CCT3: variants seen among roughly 807,000 people sequenced by gnomAD.
CCT3 encodes the protein T-complex protein 1 subunit gamma.
In CCT3, 10 loss-of-function variants were observed where a neutral mutation model predicts 65.3. The ratio of observed to expected loss-of-function variants is 0.15; its 90% CI spans 0.09 to 0.26. The LOEUF is 0.26. Among genes scored for constraint, CCT3 ranks in the 10% least tolerant of loss-of-function variants. The pLI is 1.00. For synonymous variants in CCT3, 225 were observed against 242.3 expected (o/e 0.93, Z 0.66); for missense variants, 626 against 708.7 (o/e 0.88, Z 1.33).
At chr1:156,324,048 C>T (rs534460308) in intron 6 of CCT3, among the ~76,000 whole-genome samples, 1 of 151,258 alleles carries the variant, frequency 6.6e-6, no homozygotes, top group Non-Finnish European at 1.5e-5. Context: ...CAGGTGTGAG[C>T]CACCATGCCC....
At chr1:156,334,817 A>G (rs771284431) in intron 3 of CCT3, 42 bp from the exon 4 acceptor site, 48 of 1,613,600 alleles carry the variant, frequency 3.0e-5, no homozygotes, top group Middle Eastern at 3.3e-4. Flanking sequence ...GTCCTAGATA[A>G]CAGGAAGAAA....
intron 5 of CCT3, chr1:156,332,863 T>C (rs569418109): frequency 8.5e-5 from 13 of 152,676 alleles, no homozygotes; most frequent in Admixed American, 7.8e-4. Flanking sequence ...CAACTATATA[T>C]ATTAAATGGG....
At chr1:156,317,668 C>G in intron 8 of CCT3, 121 bp from the exon 9 acceptor site, 2 of 968,708 alleles carry the variant, frequency 2.1e-6, no homozygotes, top group South Asian at 3.4e-5. Flanking sequence ...TATGTTAAAG[C>G]CATGACCTCA....
chr1:156,314,262 G>A (rs1283160966), intron 10 of CCT3, among the ~76,000 whole-genome samples: 1 of 152,020 alleles, frequency 6.6e-6, no homozygotes, highest in East Asian at 1.9e-4. Flanking sequence ...TCCAGATGTT[G>A]TACATGACTT....
chr1:156,319,397 T>C (rs1664455573), intron 7 of CCT3, among the ~76,000 whole-genome samples: 1 of 152,108 alleles, frequency 6.6e-6, no homozygotes, highest in Admixed American at 6.6e-5. Context: ...ATTACAGGCA[T>C]GAGCCACCAC....
intron 5 of CCT3, chr1:156,333,091 C>T (rs575827870): frequency 3.1e-5 from 6 of 192,654 alleles, no homozygotes; most frequent in Middle Eastern, 2.4e-3. Context: ...GTTAAGAGAT[C>T]GAGACCATCT....
chr1:156,319,317 C>T (rs1419120831), intron 7 of CCT3, among the ~76,000 whole-genome samples: 1 of 151,916 alleles, frequency 6.6e-6, no homozygotes, highest in Non-Finnish European at 1.5e-5. Context: ...GGGGTTTCAC[C>T]ATGTTAGCCA....
chr1:156,329,058 T>C (rs920276194), intron 5 of CCT3, among the ~76,000 whole-genome samples: 6 of 152,132 alleles, frequency 3.9e-5, no homozygotes, highest in African/African-American at 1.4e-4. Flanking sequence ...GATTATAATA[T>C]CATATTTTTA....
In CCT3 at chr1:156,318,889, T is replaced by G; in HGVS notation, c.738A>C (p.Glu246Asp). 1 of 1,613,882 alleles carries G rather than the reference T, an allele frequency of 6.2e-7. No individual in the cohort carries two copies. Among genetic ancestry groups the G allele is most frequent in the Admixed American group, 1.7e-5 (1 of 59,950 alleles). ...PRIVLLDSSL[E>D]YKKGESQTDI... ...TTACCTGGCTTTCTCCTTTCTTGTA[T>G]TCCAGAGAAGAATCCAGCAGCACAA... Residue 246 changes from glutamate (E) to aspartate (D), a missense_variant, in exon 8 of 14, where the codon GAA (glutamate) becomes GAC (aspartate). Transcript: ENST00000295688.
chr1:156,310,164 T>C (rs1221344708), intron 13 of CCT3, among the ~76,000 whole-genome samples: 1 of 151,900 alleles, frequency 6.6e-6, no homozygotes, highest in Non-Finnish European at 1.5e-5. Context: ...TGGAATACCT[T>C]AGAGGAATAT....
At chr1:156,324,730 CA>C (rs1464091733) in intron 6 of CCT3, among the ~76,000 whole-genome samples, 1 of 152,122 alleles carries the variant, frequency 6.6e-6, no homozygotes, top group Non-Finnish European at 1.5e-5. Flanking sequence ...CTGGTTCAGG[CA>C]ATTCTCCTGC....
intron 5 of CCT3, among the ~76,000 whole-genome samples, chr1:156,330,714 C>T (rs1665066393): frequency 1.3e-5 from 2 of 150,756 alleles, no homozygotes; most frequent in African/African-American, 2.4e-5. Context: ...TAAGGCCAGG[C>T]GTGGTGAGAC....
chr1:156,330,069 A>G (rs1285447121), intron 5 of CCT3, among the ~76,000 whole-genome samples: 2 of 152,194 alleles, frequency 1.3e-5, no homozygotes, highest in Non-Finnish European at 2.9e-5. Flanking sequence ...TCTTAAATCC[A>G]TCTACATCTA....
rs370238899 is a variant in CCT3, at chr1:156,338,254, A to G, written c.-70T>C. 1.0e-4 allele frequency: 158 copies of G among 1,509,454 alleles called. No homozygotes were observed. Among genetic ancestry groups the G allele is most frequent in the Middle Eastern group, 8.5e-4 (5 of 5,900 alleles). The allele number at this position is 1,509,454 out of a possible 1,614,324, so 93.5% of individuals were successfully genotyped here. A position where few individuals can be genotyped will look rare whatever the true frequency, so the allele number is the denominator to read the frequency against. Reference sequence around the variant, plus strand: ...CAGAACCTTCTGGAGAGAGAGAACCAGACAGAAGCCCAGAAAACGCTGCCT... The same window carrying G: ...CAGAACCTTCTGGAGAGAGAGAACCGGACAGAAGCCCAGAAAACGCTGCCT... On this transcript the variant is annotated 5_prime_UTR_variant, in exon 1 of 14. Transcript: ENST00000295688.
At position 156,320,671 on chromosome 1, in the gene CCT3, T is replaced by C. The variant is rs772848061; in HGVS notation, c.609+168A>G. On this transcript the variant is annotated intron_variant, in intron 7 of 13. Coordinates refer to ENST00000295688, the MANE Select transcript of CCT3 (RefSeq NM_005998.5). ...TTGCTTGAGGCCAGGAGTTTGAGGC[T>C]GCAGTGGGCTGTGACTGTGCCACTA... Among the ~76,000 whole-genome samples, 52 of 152,164 alleles carry C rather than the reference T, an allele frequency of 3.4e-4. 1 individual carries two copies. The highest frequency in any genetic ancestry group is 9.8e-4 in the Admixed American group (15 of 15,272).
intron 12 of CCT3, 49 bp from the exon 13 acceptor site, chr1:156,310,738 TC>T: frequency 1.9e-6 from 3 of 1,603,560 alleles, no homozygotes; most frequent in Non-Finnish European, 2.6e-6. Flanking sequence ...ACAGGAAACA[TC>T]AGGTAAGAAA....
chr1:156,330,237 C>T (rs1665050785), intron 5 of CCT3, among the ~76,000 whole-genome samples: 1 of 152,182 alleles, frequency 6.6e-6, no homozygotes, highest in African/African-American at 2.4e-5. Flanking sequence ...CCTCCTCTTT[C>T]ATCCTTCCAG....
intron 1 of CCT3, among the ~76,000 whole-genome samples, chr1:156,336,230 G>A (rs947156101): frequency 4.6e-5 from 7 of 151,770 alleles, no homozygotes; most frequent in Non-Finnish European, 1.0e-4. Context: ...ATGGGCCTTA[G>A]TGGGATAGCG....
At chr1:156,319,098 A>C in intron 7 of CCT3, 81 bp from the exon 8 acceptor site, 2 of 1,331,364 alleles carry the variant, frequency 1.5e-6, no homozygotes, top group Non-Finnish European at 2.0e-6. Context: ...ATCTTTCCCA[A>C]ACAGCTAGTG....
Sources: gnomAD v4.1 joint callset for allele counts (sites outside exome capture counted in the v4.1 genomes callset) on GRCh38, gnomAD v4.1.1 for gene constraint, MANE v1.5 for transcripts, NCBI Gene and HGNC (gene_info 2026-07-23, HGNC 2026-07-21) for gene names.